Variants in DHODH observed in about 807,000 individuals in gnomAD.
DHODH encodes the protein dihydroorotate dehydrogenase (quinone).
A neutral mutation model predicts 39.7 loss-of-function variants in DHODH; 30 were observed. That is an observed-to-expected ratio of 0.76 (90% confidence interval 0.57 to 1.02). The LOEUF (loss-of-function observed/expected upper bound fraction) is 1.02, where lower values mean the gene tolerates loss of function less well. Ranked by LOEUF, DHODH falls within the 50% of genes least tolerant of loss-of-function variation. DHODH has a pLI of 0.00. For synonymous variants in DHODH, 222 were observed against 213.8 expected (o/e 1.04, Z -0.34); for missense variants, 531 against 520.8 (o/e 1.02, Z -0.19).
At chr16:72,020,341 ATATATATATATATG>A (rs1260286892) in intron 4 of DHODH, 1 of 118,926 alleles carries the variant, frequency 8.4e-6, no homozygotes, top group African/African-American at 4.1e-5. Flanking sequence ...ATATATATAT[ATATATATATATATG>A]TGTATATATA....
chr16:72,013,406 A>G (rs2041106508), intron 2 of DHODH, among the ~76,000 whole-genome samples: 1 of 152,186 alleles, frequency 6.6e-6, no homozygotes, highest in Non-Finnish European at 1.5e-5. Context: ...GTGTCTGTAT[A>G]AACACAGATG....
intron 4 of DHODH, among the ~76,000 whole-genome samples, chr16:72,018,449 A>G (rs11648003): frequency 0.18 from 27,930 of 152,226 alleles, 3,200 homozygotes; most frequent in South Asian, 0.4. Flanking sequence ...GCTGTACTGC[A>G]GAGCCGCCCA....
chr16:72,009,478 C>G (rs1206370333), intron 1 of DHODH, among the ~76,000 whole-genome samples: 2 of 117,102 alleles, frequency 1.7e-5, no homozygotes, highest in Non-Finnish European at 3.3e-5. Flanking sequence ...AGTCCGCAGT[C>G]CGGCCTGGGC....
rs761313203 is a variant in DHODH, at chr16:72,021,000, G to A, written c.518-124G>A. On this transcript the variant is annotated intron_variant, in intron 4 of 8. Coordinates refer to ENST00000219240, the MANE Select transcript of DHODH (RefSeq NM_001361.5). ...AGTTGAGCACCTGTCAGCCGGTGTC[G>A]GGCAGGTCAGGTTTGGAGGGAAGGC... 160 of 980,806 alleles carry A rather than the reference G, an allele frequency of 1.6e-4. 1 individual carries two copies. The highest frequency in any genetic ancestry group is 2.1e-4 in the Non-Finnish European group (142 of 660,884). 60.8% of individuals were successfully genotyped at this position (980,806 alleles called of 1,614,324 possible).
At chr16:72,023,064 G>C in intron 6 of DHODH, 101 bp from the exon 7 acceptor site, 1 of 1,168,544 alleles carries the variant, frequency 8.6e-7, no homozygotes, top group Non-Finnish European at 1.3e-6. Flanking sequence ...GGGGCTGTAG[G>C]TGTGGGTACC....
At chr16:72,013,004 T>C (rs1396416002) in intron 2 of DHODH, among the ~76,000 whole-genome samples, 1 of 152,190 alleles carries the variant, frequency 6.6e-6, no homozygotes, top group Non-Finnish European at 1.5e-5. Flanking sequence ...CATGGAAGCC[T>C]TGGCAGTTTC....
Position 72,022,494 on chromosome 16 carries a change from G to T in DHODH, c.819+19G>T. 1.3e-6 allele frequency: 2 copies of T among 1,542,784 alleles called. No homozygotes were observed. Among genetic ancestry groups the T allele is most frequent in the Non-Finnish European group, 1.8e-6 (2 of 1,142,372 alleles). ...CAAAGAGGTTTGAGTCGGGGCCTGGGCCCAGGGTGTGCCTCCCATGGTCTG... is the reference window on the plus strand; with the variant it reads ...CAAAGAGGTTTGAGTCGGGGCCTGGTCCCAGGGTGTGCCTCCCATGGTCTG... On this transcript the variant is annotated intron_variant, in intron 6 of 8. Coordinates refer to ENST00000219240, the MANE Select transcript of DHODH (RefSeq NM_001361.5).
intron 5 of DHODH, among the ~76,000 whole-genome samples, chr16:72,021,800 CA>C (rs561659518): frequency 3.6e-4 from 54 of 152,104 alleles, no homozygotes; most frequent in African/African-American, 1.2e-3. Context: ...CCTGTCTCTA[CA>C]AAAATTTAAA....
chr16:72,015,981 TTTGATA>T, intron 3 of DHODH: 1 of 632,140 alleles, frequency 1.6e-6, no homozygotes, highest in Non-Finnish European at 2.0e-6. Context: ...AACAGGCACA[TTTGATA>T]TTATTTTCTT....
In DHODH at chr16:72,026,403, T is replaced by TG. The variant is rs2041276843; in HGVS notation, c.*2206dup. 6.6e-6 allele frequency: 1 copy of TG among 152,002 alleles called. No individual in the cohort carries two copies. Among genetic ancestry groups the TG allele is most frequent in the South Asian group, 2.1e-4 (1 of 4,800 alleles). 9.4% of individuals were successfully genotyped at this position (152,002 alleles called of 1,614,324 possible). On this transcript the variant is annotated 3_prime_UTR_variant, in exon 9 of 9. Coordinates refer to ENST00000219240, the MANE Select transcript of DHODH (RefSeq NM_001361.5). ...AAGACTGCCTTTTTTTTTTTTGAGA[T>TG]GGAGTCTCGCTGTGTCGCCCAGCCT... is the stretch of plus-strand genomic sequence containing the variant.
Position 72,014,538 on chromosome 16 carries a change from T to G in DHODH, c.300T>G (p.His100Gln). 6.2e-7 allele frequency: 1 copy of G among 1,614,138 alleles called. No individual in the cohort carries two copies. The highest frequency in any genetic ancestry group is 8.5e-7 in the Non-Finnish European group (1 of 1,180,014). The change falls in exon 3 of 9, where the codon CAT becomes CAG. Residue 100 changes from histidine (H) to glutamine (Q), a missense_variant. Physicochemically the swap from His to Gln is conservative, Grantham distance 24 (BLOSUM62 0). Transcript: ENST00000219240. ...PVGIAAGFDK[H>Q]GEAVDGLYKM... ...GAATTGCTGCAGGATTTGACAAGCATGGGGAAGCCGTGGACGGACTTTATA... is the reference window on the plus strand; with the variant it reads ...GAATTGCTGCAGGATTTGACAAGCAGGGGGAAGCCGTGGACGGACTTTATA...
chr16:72,008,812 A>T (rs758054723), intron 1 of DHODH, 27 bp downstream of exon 1: 2 of 1,552,476 alleles, frequency 1.3e-6, no homozygotes, highest in African/African-American at 1.4e-5. Flanking sequence ...AGCAGTGTGG[A>T]TGGGGGACCA....
Position 72,024,198 on chromosome 16 carries a change from G to C in DHODH, c.1187G>C (p.Ter396SerextTer69). 1 of 1,614,212 alleles carries C rather than the reference G, an allele frequency of 6.2e-7. No individual in the cohort carries two copies. The highest frequency in any genetic ancestry group is 8.5e-7 in the Non-Finnish European group (1 of 1,180,040). ...GCCATTGGAGCAGATCATCGGAGGT[G>C]AGGACAGCGTCTGACGGGAAGCCTG... ...TDAIGADHRR[*>S] Residue 396 changes from the stop codon to serine (S), a stop_lost, in exon 9 of 9, where the codon TGA (stop) becomes TCA (serine). Transcript: ENST00000219240.
intron 5 of DHODH, among the ~76,000 whole-genome samples, chr16:72,021,815 T>C (rs2041220610): frequency 6.6e-6 from 1 of 152,012 alleles, no homozygotes; most frequent in South Asian, 2.1e-4. Flanking sequence ...ATTTAAAAAT[T>C]AGCCAGGCAC....
intron 1 of DHODH, among the ~76,000 whole-genome samples, chr16:72,010,132 A>C (rs181432811): frequency 6.6e-6 from 1 of 152,318 alleles, no homozygotes; most frequent in East Asian, 1.9e-4. Flanking sequence ...GGCTTAGGGA[A>C]CAAAACCCAA....
chr16:72,015,605 T>G, intron 3 of DHODH: 1 of 847,624 alleles, frequency 1.2e-6, no homozygotes, highest in Non-Finnish European at 1.4e-6. Context: ...TTGGCCGTGC[T>G]TCCTGCTTTC....
In DHODH at chr16:72,020,043, T is replaced by C. The variant is rs556288512; in HGVS notation, c.518-1081T>C. Among the ~76,000 whole-genome samples the C allele has an allele frequency of 5.2e-3, 784 of 151,840 alleles. 6 individuals are homozygous for C. The highest frequency in any genetic ancestry group is 5.4e-3 in the Non-Finnish European group (368 of 67,942). ...CTGTAATCCCAGCACTTTGGGAGGCTGAGGTGGGCAGATCATGAGGTCTGG... is the reference window on the plus strand; with the variant it reads ...CTGTAATCCCAGCACTTTGGGAGGCCGAGGTGGGCAGATCATGAGGTCTGG... On this transcript the variant is annotated intron_variant, in intron 4 of 8. Transcript: ENST00000219240.
At chr16:72,021,917 A>T (rs2041221602) in intron 5 of DHODH, among the ~76,000 whole-genome samples, 1 of 152,096 alleles carries the variant, frequency 6.6e-6, no homozygotes, top group Non-Finnish European at 1.5e-5. Context: ...AACTTGGCAA[A>T]ACCCCATCTT....
In DHODH at chr16:72,023,476, C is replaced by T. The variant is rs772009216; in HGVS notation, c.976C>T (p.Arg326Ter). Residue 326 changes from arginine to a stop codon, truncating the protein, a stop_gained and splice_region_variant, in exon 8 of 9, where the codon CGA becomes TGA. Transcript: ENST00000219240. LOFTEE classifies it high-confidence loss of function. ...TGTCGCCATGTGCTTCTCTGTAGGC[C>T]GAGTTCCCATAATTGGGGTTGGTGG... Reference protein sequence around the residue: ...IREMYALTQGRVPIIGVGGVS... With the variant: ...IREMYALTQG 3.2e-5 allele frequency: 51 copies of T among 1,613,960 alleles called. No homozygotes were observed. Among genetic ancestry groups the T allele is most frequent in the Non-Finnish European group, 4.0e-5 (47 of 1,180,040 alleles).
Sources: gnomAD v4.1 joint callset for allele counts (sites outside exome capture counted in the v4.1 genomes callset) on GRCh38, gnomAD v4.1.1 for gene constraint, MANE v1.5 for transcripts, NCBI Gene and HGNC (gene_info 2026-07-23, HGNC 2026-07-21) for gene names.